The following STPG2 variants were observed in gnomAD, a reference collection of about 807,000 sequenced individuals.
STPG2 encodes sperm-tail PG-rich repeat-containing protein 2.
A neutral mutation model predicts 54.2 loss-of-function variants in STPG2; 56 were observed. The ratio of observed to expected loss-of-function variants is 1.03; its 90% CI spans 0.83 to 1.29. The LOEUF (loss-of-function observed/expected upper bound fraction) is 1.29. Ranked by LOEUF, STPG2 falls within the 50% of genes most tolerant of loss-of-function variation. The pLI is 0.00. For missense variants in STPG2, 596 were observed against 544.9 expected, an observed-to-expected ratio of 1.09 and a Z score of -0.93; for synonymous variants, 200 against 181.8, an observed-to-expected ratio of 1.10 and a Z score of -0.81.
chr4:98,017,862 C>T (rs557783950), intron 5 of STPG2, among the ~76,000 whole-genome samples: 2 of 151,978 alleles, frequency 1.3e-5, no homozygotes, highest in Non-Finnish European at 2.9e-5. Flanking sequence ...GGCAGTTTAG[C>T]CTGCATTCAT....
chr4:97,708,560 A>G (rs1157547914), intron 10 of STPG2, among the ~76,000 whole-genome samples: 1 of 151,932 alleles, frequency 6.6e-6, no homozygotes, highest in Non-Finnish European at 1.5e-5. Context: ...AGGTAGGAAC[A>G]AAGATCAGGT....
chr4:97,557,227 A>G (rs893182529), downstream of STPG2, among the ~76,000 whole-genome samples: 1 of 152,130 alleles, frequency 6.6e-6, no homozygotes, highest in African/African-American at 2.4e-5. Flanking sequence ...TTGTGCCAGC[A>G]TAAAACGAAA....
At position 97,933,867 on chromosome 4, in the gene STPG2, G is replaced by A. The variant is rs1732644378; in HGVS notation, c.1044+10030C>T. Among the ~76,000 whole-genome samples the A allele has an allele frequency of 3.9e-5, 6 of 152,222 alleles. No individual in the cohort carries two copies. The South Asian group carries it at 1.2e-3, about 32-fold the overall frequency. On this transcript the variant is annotated intron_variant, in intron 8 of 10. Transcript: ENST00000295268. The stretch of plus-strand genomic sequence containing the variant: ...ACGGGCTCTCTTTTTTGTTCAATAT[G>A]AAGTTTAAAGTAGTTTTTTCTAATT...
intron 4 of STPG2, among the ~76,000 whole-genome samples, chr4:97,512,787 T>C (rs536975344): frequency 6.6e-6 from 1 of 150,874 alleles, no homozygotes; most frequent in Admixed American, 6.6e-5. Flanking sequence ...ATCTAAAATC[T>C]TTTTTTCATA....
At chr4:97,878,269 A>G (rs1417144694) in intron 8 of STPG2, among the ~76,000 whole-genome samples, 4 of 152,086 alleles carry the variant, frequency 2.6e-5, no homozygotes, top group Non-Finnish European at 5.9e-5. Flanking sequence ...CTGGAGTACA[A>G]TGGATCTCTT....
At chr4:97,587,272 C>T (rs1733024505) in intron 10 of STPG2, among the ~76,000 whole-genome samples, 1 of 151,810 alleles carries the variant, frequency 6.6e-6, no homozygotes, top group Non-Finnish European at 1.5e-5. Flanking sequence ...TTATGCAAAG[C>T]ATTTTTTAAA....
intron 4 of STPG2, among the ~76,000 whole-genome samples, chr4:97,515,156 G>A (rs1019370637): frequency 2.6e-5 from 4 of 152,024 alleles, no homozygotes; most frequent in Non-Finnish European, 5.9e-5. Flanking sequence ...AACACTTTCA[G>A]AGATGAAAAC....
chr4:97,933,517 AT>A (rs2149220910), intron 8 of STPG2, among the ~76,000 whole-genome samples: 1 of 152,248 alleles, frequency 6.6e-6, no homozygotes, highest in East Asian at 1.9e-4. Context: ...TAAGTCTTTA[AT>A]CCATCTTGAG....
intron 10 of STPG2, among the ~76,000 whole-genome samples, chr4:97,578,692 T>A (rs965258631): frequency 2.6e-5 from 4 of 151,854 alleles, no homozygotes; most frequent in Non-Finnish European, 5.9e-5. Flanking sequence ...TTTATCCACA[T>A]AATAGCCAAT....
intron 5 of STPG2, 62 bp downstream of exon 5, chr4:98,105,891 A>G (rs1739174100): frequency 2.2e-6 from 3 of 1,389,426 alleles, no homozygotes; most frequent in South Asian, 1.2e-5. Context: ...TAACCTTGTG[A>G]TAACAGGATT....
At chr4:97,940,623 C>T (rs181516347) in intron 8 of STPG2, among the ~76,000 whole-genome samples, 12 of 152,214 alleles carry the variant, frequency 7.9e-5, no homozygotes, top group African/African-American at 2.2e-4. Flanking sequence ...TTGTGAAATT[C>T]TTGTATTGTG....
intron 9 of STPG2, among the ~76,000 whole-genome samples, chr4:97,758,175 C>A (rs576341573): frequency 1.2e-3 from 184 of 152,070 alleles, no homozygotes; most frequent in African/African-American, 4.2e-3. Flanking sequence ...CTTAAGGGGC[C>A]ATTTATGTAA....
chr4:97,980,763 C>T (rs933604229), intron 6 of STPG2, among the ~76,000 whole-genome samples: 7 of 152,066 alleles, frequency 4.6e-5, no homozygotes, highest in African/African-American at 1.7e-4. Context: ...AAAATATCCA[C>T]TGAGAATACC....
chr4:97,584,243 C>T (rs867510369), intron 10 of STPG2, among the ~76,000 whole-genome samples: 17 of 151,920 alleles, frequency 1.1e-4, no homozygotes, highest in African/African-American at 4.1e-4. Context: ...CAAAATTATA[C>T]AAATACATGG....
At chr4:98,131,134 T>G (rs2110165132) in intron 2 of STPG2, among the ~76,000 whole-genome samples, 1 of 152,076 alleles carries the variant, frequency 6.6e-6, no homozygotes, top group East Asian at 1.9e-4. Context: ...TTTCCCATTC[T>G]TTTTAACTAC....
chr4:98,142,407 C>T (rs192147248), intron 1 of STPG2, among the ~76,000 whole-genome samples: 170 of 152,238 alleles, frequency 1.1e-3, no homozygotes, highest in African/African-American at 3.9e-3. Context: ...TTATTTTTGA[C>T]TAAGTCACTA....
intron 8 of STPG2, among the ~76,000 whole-genome samples, chr4:97,881,991 C>T (rs1415082415): frequency 2.0e-5 from 3 of 151,978 alleles, no homozygotes; most frequent in Non-Finnish European, 4.4e-5. Context: ...AATAAATTAG[C>T]CTGAAATTTA....
chr4:98,123,418 T>C (rs2089333757), intron 3 of STPG2, among the ~76,000 whole-genome samples: 1 of 152,250 alleles, frequency 6.6e-6, no homozygotes, highest in Non-Finnish European at 1.5e-5. Context: ...AAAGAACTTC[T>C]TGATTTATGC....
chr4:97,525,464 T>C, intron 4 of STPG2, among the ~76,000 whole-genome samples: 1 of 151,884 alleles, frequency 6.6e-6, no homozygotes, highest in East Asian at 1.9e-4. Context: ...CAAAGGCTAT[T>C]GTAATCTAAA....
Sources: gnomAD v4.1 joint callset for allele counts (sites outside exome capture counted in the v4.1 genomes callset) on GRCh38, gnomAD v4.1.1 for gene constraint, MANE v1.5 for transcripts, NCBI Gene and HGNC (gene_info 2026-07-23, HGNC 2026-07-21) for gene names.